KHDRBS2: variants seen among roughly 807,000 people sequenced by gnomAD.
KHDRBS2 encodes the protein KH RNA binding domain containing, signal transduction associated 2, also known as KH domain-containing, RNA-binding, signal transduction-associated protein 2.
KHDRBS2 carries 26 observed loss-of-function variants against 44.3 expected under a neutral mutation model. The observed-to-expected ratio is 0.59, with a 90% CI of 0.43 to 0.81. The LOEUF (loss-of-function observed/expected upper bound fraction) is 0.81. Ranked by LOEUF, KHDRBS2 falls within the 40% of genes least tolerant of loss-of-function variation. The probability of loss-of-function intolerance (pLI) is 0.00; values close to 1 mark genes in which losing one functional copy is unlikely to be tolerated. For synonymous variants in KHDRBS2, 194 were observed against 151.1 expected, an observed-to-expected ratio of 1.28 and a Z score of -2.08; for missense variants, 476 against 433.1, an observed-to-expected ratio of 1.10 and a Z score of -0.88.
chr6:61,797,919 A>G (rs1472973285), intron 6 of KHDRBS2, among the ~76,000 whole-genome samples: 1 of 151,862 alleles, frequency 6.6e-6, no homozygotes, highest in Admixed American at 6.6e-5. Flanking sequence ...TGTTAGATGG[A>G]TAAGTTGCAT....
chr6:61,602,839 C>A, the KHDRBS2 span, among the ~76,000 whole-genome samples: 1 of 152,112 alleles, frequency 6.6e-6, no homozygotes, highest in Non-Finnish European at 1.5e-5. Context: ...TTTTAGTTAT[C>A]CCCACCTGCC....
At chr6:61,596,602 G>C in the KHDRBS2 span, among the ~76,000 whole-genome samples, 5 of 151,914 alleles carry the variant, frequency 3.3e-5, no homozygotes, top group African/African-American at 4.8e-5. Context: ...GCTCTAAGTA[G>C]TTGTTAACTA....
chr6:61,609,251 CAGG>C, the KHDRBS2 span, among the ~76,000 whole-genome samples: 1 of 152,240 alleles, frequency 6.6e-6, no homozygotes, highest in South Asian at 2.1e-4. Context: ...TTCAGCTACT[CAGG>C]AGGCTGAGGC....
At chr6:62,077,151 G>A (rs544501527) in intron 2 of KHDRBS2, among the ~76,000 whole-genome samples, 1 of 152,084 alleles carries the variant, frequency 6.6e-6, no homozygotes, top group East Asian at 1.9e-4. Flanking sequence ...TTATTTTGAA[G>A]AAAAATGCTG....
intron 4 of KHDRBS2, among the ~76,000 whole-genome samples, chr6:61,975,475 T>C (rs1772394083): frequency 6.6e-6 from 1 of 152,192 alleles, no homozygotes; most frequent in Admixed American, 6.6e-5. Context: ...AATTGGCAGT[T>C]CATTTTTGCC....
chr6:62,139,565 AAAAG>A (rs1357931155), intron 2 of KHDRBS2, among the ~76,000 whole-genome samples: 3 of 151,946 alleles, frequency 2.0e-5, no homozygotes, highest in Non-Finnish European at 4.4e-5. Context: ...AAAAAAAATA[AAAAG>A]AAATTTATAT....
intron 2 of KHDRBS2, among the ~76,000 whole-genome samples, chr6:62,140,097 C>T (rs913758929): frequency 6.6e-5 from 10 of 152,188 alleles, no homozygotes; most frequent in Non-Finnish European, 1.5e-4. Context: ...TTCACTATTA[C>T]TTTCCTTCCA....
At chr6:61,698,812 C>T (rs952032860) in intron 7 of KHDRBS2, among the ~76,000 whole-genome samples, 1 of 151,944 alleles carries the variant, frequency 6.6e-6, no homozygotes, top group African/African-American at 2.4e-5. Context: ...TTTTCATTTG[C>T]TGTTTCTCCT....
intron 2 of KHDRBS2, among the ~76,000 whole-genome samples, chr6:62,049,264 G>A (rs1019452858): frequency 1.3e-5 from 2 of 151,326 alleles, no homozygotes; most frequent in African/African-American, 4.9e-5. Flanking sequence ...TTCAACAAAT[G>A]GTAATGAAAC....
At chr6:62,132,849 T>C (rs1410014155) in intron 2 of KHDRBS2, among the ~76,000 whole-genome samples, 3 of 152,194 alleles carry the variant, frequency 2.0e-5, no homozygotes, top group African/African-American at 7.2e-5. Context: ...AAATCATATA[T>C]CATAATACAG....
At chr6:61,600,870 C>T in the KHDRBS2 span, among the ~76,000 whole-genome samples, 3 of 152,198 alleles carry the variant, frequency 2.0e-5, no homozygotes, top group African/African-American at 7.2e-5. Context: ...CTTTCAATCT[C>T]TCCCTTCTCT....
At chr6:62,079,332 A>G (rs959627377) in intron 2 of KHDRBS2, among the ~76,000 whole-genome samples, 4 of 152,044 alleles carry the variant, frequency 2.6e-5, no homozygotes, top group Non-Finnish European at 5.9e-5. Context: ...TGTATTTAAC[A>G]TAACGGTCAC....
intron 3 of KHDRBS2, among the ~76,000 whole-genome samples, chr6:62,027,471 C>T (rs1783579863): frequency 6.6e-6 from 1 of 151,990 alleles, no homozygotes; most frequent in African/African-American, 2.4e-5. Context: ...TTTTGTTATT[C>T]ATAACACATC....
the KHDRBS2 span, among the ~76,000 whole-genome samples, chr6:61,624,265 C>T: frequency 6.6e-6 from 1 of 152,170 alleles, no homozygotes; most frequent in East Asian, 1.9e-4. Flanking sequence ...AACAGCCTAG[C>T]CACAGTGGCC....
chr6:61,640,384 C>T, the KHDRBS2 span, among the ~76,000 whole-genome samples: 1 of 151,950 alleles, frequency 6.6e-6, no homozygotes, highest in African/African-American at 2.4e-5. Context: ...AGTAATTATT[C>T]AGTTATTTAA....
intron 4 of KHDRBS2, among the ~76,000 whole-genome samples, chr6:61,955,910 A>T (rs1461713260): frequency 1.3e-5 from 2 of 152,046 alleles, no homozygotes; most frequent in South Asian, 2.1e-4. Context: ...AAATAAGTTA[A>T]CTTTGCCCAT....
At chr6:62,257,986 A>G (rs1837685713) in intron 1 of KHDRBS2, among the ~76,000 whole-genome samples, 1 of 152,046 alleles carries the variant, frequency 6.6e-6, no homozygotes, top group Admixed American at 6.6e-5. Flanking sequence ...CCAAAAATCC[A>G]AAATCTGAAA....
At chr6:61,961,729 A>T (rs1236409090) in intron 4 of KHDRBS2, among the ~76,000 whole-genome samples, 1 of 152,082 alleles carries the variant, frequency 6.6e-6, no homozygotes, top group Non-Finnish European at 1.5e-5. Flanking sequence ...ACCAGAGGGA[A>T]AAAAGGGAAG....
chr6:61,812,385 C>A (rs1788253066), intron 6 of KHDRBS2, among the ~76,000 whole-genome samples: 1 of 152,040 alleles, frequency 6.6e-6, no homozygotes, highest in South Asian at 2.1e-4. Flanking sequence ...AATAATAACT[C>A]CAAAGACAAT....
Sources: gnomAD v4.1 joint callset for allele counts (sites outside exome capture counted in the v4.1 genomes callset) on GRCh38, gnomAD v4.1.1 for gene constraint, MANE v1.5 for transcripts, NCBI Gene and HGNC (gene_info 2026-07-23, HGNC 2026-07-21) for gene names.